FBXO4: variants seen among roughly 807,000 people sequenced by gnomAD.
FBXO4 encodes F-box only protein 4.
Under a neutral mutation model 43.7 loss-of-function variants are expected in FBXO4, and 36 were observed. The observed-to-expected ratio is 0.82, with a 90% CI of 0.63 to 1.09. FBXO4 has a LOEUF of 1.09. Ranked by LOEUF, FBXO4 falls within the 50% of genes least tolerant of loss-of-function variation. The pLI, the probability that FBXO4 is intolerant of heterozygous loss-of-function variation, is 0.00. For synonymous variants in FBXO4, 180 were observed against 165.6 expected, an observed-to-expected ratio of 1.09 and a Z score of -0.67; for missense variants, 435 against 474.1, an observed-to-expected ratio of 0.92 and a Z score of 0.77.
the FBXO4 span, among the ~76,000 whole-genome samples, chr5:42,001,252 C>T: frequency 0.096 from 14,547 of 152,056 alleles, 1,038 homozygotes; most frequent in African/African-American, 0.19. Flanking sequence ...TTTATTGAGA[C>T]GGAGTCTTGC....
chr5:42,009,205 C>T, the FBXO4 span, among the ~76,000 whole-genome samples: 1 of 152,080 alleles, frequency 6.6e-6, no homozygotes, highest in Non-Finnish European at 1.5e-5. Context: ...ACTGACTTAG[C>T]TCTTATTTGC....
intron 1 of FBXO4, among the ~76,000 whole-genome samples, chr5:41,926,490 G>A (rs1472969761): frequency 6.6e-6 from 1 of 152,168 alleles, no homozygotes; most frequent in African/African-American, 2.4e-5. Flanking sequence ...GGAGCATGGC[G>A]TGAACCTGGG....
the FBXO4 span, among the ~76,000 whole-genome samples, chr5:42,003,847 C>T: frequency 6.6e-6 from 1 of 152,042 alleles, no homozygotes; most frequent in Admixed American, 6.6e-5. Context: ...ACTAGAAATA[C>T]CATGTGACCC....
chr5:41,987,259 G>A, the FBXO4 span, among the ~76,000 whole-genome samples: 1 of 152,106 alleles, frequency 6.6e-6, no homozygotes, highest in Non-Finnish European at 1.5e-5. Context: ...TAATTTCATT[G>A]TAATATAATG....
the FBXO4 span, among the ~76,000 whole-genome samples, chr5:42,001,984 T>A: frequency 6.6e-6 from 1 of 152,244 alleles, no homozygotes; most frequent in African/African-American, 2.4e-5. Flanking sequence ...CGTGAGCCAC[T>A]GTGCCCAGCC....
chr5:41,953,244 G>A, the FBXO4 span, among the ~76,000 whole-genome samples: 1 of 151,682 alleles, frequency 6.6e-6, no homozygotes, highest in Non-Finnish European at 1.5e-5. Context: ...AGAACATGTG[G>A]TGTTTGGTTT....
At chr5:42,012,822 G>T in the FBXO4 span, among the ~76,000 whole-genome samples, 1 of 152,186 alleles carries the variant, frequency 6.6e-6, no homozygotes, top group Non-Finnish European at 1.5e-5. Context: ...AAACAGGTAT[G>T]ATTATTGCTC....
the FBXO4 span, among the ~76,000 whole-genome samples, chr5:42,019,040 A>G: frequency 6.6e-6 from 1 of 152,186 alleles, no homozygotes; most frequent in Admixed American, 6.6e-5. Context: ...TAGAGCACTT[A>G]AAATGAGATT....
chr5:42,037,500 C>T, the FBXO4 span, among the ~76,000 whole-genome samples: 1 of 152,034 alleles, frequency 6.6e-6, no homozygotes, highest in Non-Finnish European at 1.5e-5. Flanking sequence ...GCAGTGCATT[C>T]AGCATTAATC....
chr5:41,926,051 A>G (rs562166091), intron 1 of FBXO4, among the ~76,000 whole-genome samples: 3 of 152,208 alleles, frequency 2.0e-5, no homozygotes, highest in Non-Finnish European at 4.4e-5. Flanking sequence ...AGTTACATCA[A>G]GGCCACGAGA....
chr5:41,925,330 C>G lies in FBXO4; in HGVS notation c.21C>G (p.Arg7=). 1 of 1,350,034 alleles carries G rather than the reference C, an allele frequency of 7.4e-7. No homozygotes were observed. The highest frequency in any genetic ancestry group is 9.6e-7 in the Non-Finnish European group (1 of 1,045,848). 83.6% of individuals were successfully genotyped at this position (1,350,034 alleles called of 1,614,324 possible). Residue 7 remains arginine (R), a synonymous_variant, in exon 1 of 7, where the codon CGC becomes CGG. Coordinates refer to ENST00000281623, the MANE Select transcript of FBXO4 (RefSeq NM_012176.3). MAGSEP[R]SGTNSPPPPF... ...AAGCCATGGCGGGAAGCGAGCCGCG[C>G]AGCGGAACAAACTCGCCGCCGCCGC...
At chr5:41,948,202 C>T in the FBXO4 span, among the ~76,000 whole-genome samples, 1 of 147,664 alleles carries the variant, frequency 6.8e-6, no homozygotes, top group African/African-American at 2.5e-5. Flanking sequence ...GTGGCGCAAA[C>T]TCAGCTCACT....
At position 41,934,944 on chromosome 5, in the gene FBXO4, G is replaced by A. The variant is rs962897750; in HGVS notation, c.898+636G>A. On this transcript the variant is annotated intron_variant, in intron 5 of 6. Transcript: ENST00000281623. The stretch of plus-strand genomic sequence containing the variant: ...GTAGAATATAAATACATAATATATT[G>A]TATATATATTATAGTTCTCTAATAC... The A allele has an allele frequency of 9.6e-6, 9 of 937,632 alleles. No individual in the cohort carries two copies. In the African/African-American group the frequency reaches 1.2e-4, roughly 13 times the overall value. The allele number at this position is 937,632 out of a possible 1,614,324, so 58.1% of individuals were successfully genotyped here. A position where few individuals can be genotyped will look rare whatever the true frequency, so the allele number is the denominator to read the frequency against.
At chr5:41,950,882 A>T in the FBXO4 span, among the ~76,000 whole-genome samples, 1 of 152,258 alleles carries the variant, frequency 6.6e-6, no homozygotes, top group East Asian at 1.9e-4. Context: ...CTCTGCAGCC[A>T]TAAAAAAGGA....
chr5:41,985,260 A>T, the FBXO4 span, among the ~76,000 whole-genome samples: 1 of 152,178 alleles, frequency 6.6e-6, no homozygotes, highest in East Asian at 1.9e-4. Context: ...TTCTCATACT[A>T]AACCATCTCT....
the FBXO4 span, among the ~76,000 whole-genome samples, chr5:41,992,817 T>C: frequency 1.3e-5 from 2 of 152,206 alleles, no homozygotes; most frequent in Admixed American, 6.5e-5. Flanking sequence ...AGTTAAAATA[T>C]TTTCAGCAAG....
the FBXO4 span, among the ~76,000 whole-genome samples, chr5:42,012,561 C>A: frequency 3.9e-5 from 6 of 152,086 alleles, no homozygotes; most frequent in East Asian, 1.9e-4. Context: ...TTTTTGATAG[C>A]AAATTAGGAC....
chr5:41,929,348 G>A (rs1382960712), intron 2 of FBXO4, among the ~76,000 whole-genome samples: 3 of 152,160 alleles, frequency 2.0e-5, no homozygotes, highest in Non-Finnish European at 2.9e-5. Flanking sequence ...TTCCAGGGGG[G>A]CAGGGATAAA....
chr5:42,034,673 T>C, the FBXO4 span, among the ~76,000 whole-genome samples: 1 of 152,216 alleles, frequency 6.6e-6, no homozygotes, highest in African/African-American at 2.4e-5. Context: ...CAGATGGTTG[T>C]AGATGTATGG....
Sources: gnomAD v4.1 joint callset for allele counts (sites outside exome capture counted in the v4.1 genomes callset) on GRCh38, gnomAD v4.1.1 for gene constraint, MANE v1.5 for transcripts, NCBI Gene and HGNC (gene_info 2026-07-23, HGNC 2026-07-21) for gene names.